REEP5: variants seen among roughly 807,000 people sequenced by gnomAD.
REEP5 encodes the protein receptor expression-enhancing protein 5.
REEP5 carries 24 observed loss-of-function variants against 22.4 expected under a neutral mutation model. That is an observed-to-expected ratio of 1.07 (90% CI 0.78 to 1.51). The LOEUF (loss-of-function observed/expected upper bound fraction) is 1.51, where lower values mean the gene tolerates loss of function less well. Ranked by LOEUF, REEP5 falls within the 40% of genes most tolerant of loss-of-function variation. The pLI is 0.00. For synonymous variants in REEP5, 103 were observed against 88.6 expected, an observed-to-expected ratio of 1.16 and a Z score of -0.92; for missense variants, 252 against 233.0, an observed-to-expected ratio of 1.08 and a Z score of -0.53.
chr5:112,896,541 A>T (rs1768686153), intron 3 of REEP5: 1 of 152,128 alleles, frequency 6.6e-6, no homozygotes, highest in African/African-American at 2.4e-5. Context: ...AAAAAGAAAA[A>T]AGAAAAGAAA....
At chr5:112,912,251 A>G (rs974405909) in intron 2 of REEP5, among the ~76,000 whole-genome samples, 2 of 152,200 alleles carry the variant, frequency 1.3e-5, no homozygotes, top group Non-Finnish European at 2.9e-5. Flanking sequence ...ACACATAGGT[A>G]CATACTATGT....
At chr5:112,920,628 G>C (rs1462688073) in intron 2 of REEP5, among the ~76,000 whole-genome samples, 1 of 152,084 alleles carries the variant, frequency 6.6e-6, no homozygotes, top group Non-Finnish European at 1.5e-5. Flanking sequence ...CATTTTTAAA[G>C]GTTTTTGTTT....
chr5:112,891,511 C>A, intron 3 of REEP5: 1 of 1,303,922 alleles, frequency 7.7e-7, no homozygotes. Flanking sequence ...TATAAGTATG[C>A]AAACAAAACA....
intron 4 of REEP5, among the ~76,000 whole-genome samples, chr5:112,883,694 T>C (rs1295859977): frequency 1.3e-5 from 2 of 152,158 alleles, no homozygotes; most frequent in Non-Finnish European, 2.9e-5. Context: ...GACACCTGTA[T>C]CCAACTAGCT....
intron 4 of REEP5, among the ~76,000 whole-genome samples, chr5:112,880,248 A>G (rs1189381284): frequency 6.6e-6 from 1 of 152,172 alleles, no homozygotes; most frequent in African/African-American, 2.4e-5. Flanking sequence ...GCCCATCTCT[A>G]TAGAAAAAAA....
chr5:112,921,519 G>C (rs540205807), intron 1 of REEP5: 1 of 532,274 alleles, frequency 1.9e-6, no homozygotes, highest in Non-Finnish European at 3.4e-6. Flanking sequence ...AGCAACCCCC[G>C]GCGCCCGGGA....
At chr5:112,879,099 G>A (rs1186253362) in intron 4 of REEP5, among the ~76,000 whole-genome samples, 3 of 152,080 alleles carry the variant, frequency 2.0e-5, no homozygotes, top group Admixed American at 2.0e-4. Context: ...CAGTGTCACC[G>A]AAACTGTCTG....
At chr5:112,920,754 G>C (rs1309047823) in intron 2 of REEP5, among the ~76,000 whole-genome samples, 1 of 152,130 alleles carries the variant, frequency 6.6e-6, no homozygotes, top group African/African-American at 2.4e-5. Flanking sequence ...AATTAAGGAA[G>C]ACCTAATTGA....
chr5:112,916,418 C>T (rs1769233626), intron 2 of REEP5, among the ~76,000 whole-genome samples: 4 of 152,152 alleles, frequency 2.6e-5, no homozygotes, highest in South Asian at 2.1e-4. Flanking sequence ...TTCAGGTGGC[C>T]TTGTGCTAGT....
chr5:112,883,174 A>T (rs140487514), intron 4 of REEP5, among the ~76,000 whole-genome samples: 2 of 152,266 alleles, frequency 1.3e-5, no homozygotes, highest in Non-Finnish European at 2.9e-5. Flanking sequence ...TCTTCCAGTT[A>T]TAGCCCCATT....
intron 3 of REEP5, chr5:112,893,798 G>A (rs1378100588): frequency 6.6e-6 from 1 of 152,276 alleles, no homozygotes; most frequent in Admixed American, 6.5e-5. Context: ...AAGGAAGCCA[G>A]CGCCTTGAGG....
chr5:112,903,608 T>C (rs1041891291), intron 2 of REEP5, among the ~76,000 whole-genome samples: 1 of 152,174 alleles, frequency 6.6e-6, no homozygotes, highest in Non-Finnish European at 1.5e-5. Context: ...AGCAAATACA[T>C]TGGCTACTCC....
intron 2 of REEP5, among the ~76,000 whole-genome samples, chr5:112,913,446 G>A (rs1261406556): frequency 6.7e-6 from 1 of 149,934 alleles, no homozygotes; most frequent in East Asian, 2.0e-4. Context: ...GCAGTGGAGT[G>A]AGAATAGCTA....
chr5:112,892,355 A>C (rs1462172532), intron 3 of REEP5: 1 of 1,614,152 alleles, frequency 6.2e-7, no homozygotes, highest in South Asian at 1.1e-5. Flanking sequence ...GAAACCTACC[A>C]ACAGTTCCTA....
intron 3 of REEP5, chr5:112,892,742 G>C: frequency 6.2e-7 from 1 of 1,614,060 alleles, no homozygotes; most frequent in Non-Finnish European, 8.5e-7. Flanking sequence ...AACTCCGAGA[G>C]GAGGGAGAAG....
intron 4 of REEP5, chr5:112,885,633 T>C: frequency 3.4e-6 from 1 of 290,220 alleles, no homozygotes; most frequent in South Asian, 4.6e-5. Context: ...CCCCAGGGTC[T>C]GCCAGCCTGG....
intron 3 of REEP5, among the ~76,000 whole-genome samples, chr5:112,899,822 C>T (rs74972293): frequency 0.011 from 1,622 of 152,274 alleles, 23 homozygotes; most frequent in Non-Finnish European, 0.013. Flanking sequence ...TTTCGGGTTT[C>T]ACATTTATTC....
At chr5:112,911,955 T>C (rs1769113380) in intron 2 of REEP5, among the ~76,000 whole-genome samples, 1 of 152,100 alleles carries the variant, frequency 6.6e-6, no homozygotes, top group Non-Finnish European at 1.5e-5. Flanking sequence ...CTTAGGAAGG[T>C]TTTTCCTTAA....
Position 112,878,726 on chromosome 5 carries a change from A to G in REEP5, c.*60T>C. 1.2e-6 allele frequency: 2 copies of G among 1,601,350 alleles called. No homozygotes were observed. Among genetic ancestry groups the G allele is most frequent in the East Asian group, 2.2e-5 (1 of 44,830 alleles). On this transcript the variant is annotated 3_prime_UTR_variant, in exon 5 of 5. Coordinates refer to ENST00000379638, the MANE Select transcript of REEP5 (RefSeq NM_005669.5). ...AAATAATTATACCACAGTCCCTAAT[A>G]TAACATCAAGCTCCAGTAGGAAGGT...
Sources: allele counts gnomAD v4.1 joint callset (sites outside exome capture counted in the v4.1 genomes callset), GRCh38; gene constraint gnomAD v4.1.1; transcripts MANE v1.5; gene names NCBI Gene and HGNC (gene_info 2026-07-23, HGNC 2026-07-21).